The following NACC2 variants were observed in gnomAD, a reference collection of about 807,000 sequenced individuals.
NACC2 encodes the protein nucleus accumbens-associated protein 2.
Under a neutral mutation model 25.1 loss-of-function variants are expected in NACC2, and 8 were observed. The ratio of observed to expected loss-of-function variants is 0.32; its 90% CI spans 0.19 to 0.57. The LOEUF (loss-of-function observed/expected upper bound fraction) is 0.57, where lower values mean the gene tolerates loss of function less well. Ranked by LOEUF, NACC2 falls within the 20% of genes least tolerant of loss-of-function variation. The pLI, the probability that NACC2 is intolerant of heterozygous loss-of-function variation, is 0.89. For synonymous variants in NACC2, 435 were observed against 294.7 expected (o/e 1.48, Z -4.88); for missense variants, 644 against 650.2 (o/e 0.99, Z 0.10).
At chr9:136,053,111 CTGGCAGCAGGA>C (rs1840872526) in intron 1 of NACC2, among the ~76,000 whole-genome samples, 1 of 152,254 alleles carries the variant, frequency 6.6e-6, no homozygotes, top group South Asian at 2.1e-4. Flanking sequence ...CGGGGTAACC[CTGGCAGCAGGA>C]TGCGGAGGAG....
At chr9:136,030,163 C>T (rs955785416) in intron 2 of NACC2, among the ~76,000 whole-genome samples, 1 of 152,122 alleles carries the variant, frequency 6.6e-6, no homozygotes, top group African/African-American at 2.4e-5. Flanking sequence ...GCATGAGACA[C>T]CACACCCAGC....
rs1327548366 is a variant in NACC2, at chr9:136,049,874, G to A, written c.648C>T (p.Leu216=). ...CGTAGTAGGAGACACGGGGCAGTTT[G>A]AGAGGGGCTGTGCCCGCCGCCACCG... is the stretch of plus-strand genomic sequence containing the variant. The part of the protein sequence containing the change: ...GAAVAAGTAP[L]KLPRVSYYGV... Residue 216 remains leucine (L), a synonymous_variant, in exon 2 of 6, where the codon CTC becomes CTT. Coordinates refer to ENST00000277554, the MANE Select transcript of NACC2 (RefSeq NM_144653.5). The A allele has an allele frequency of 3.0e-5, 19 of 631,102 alleles. No homozygotes were observed. The highest frequency in any genetic ancestry group is 3.8e-5 in the Non-Finnish European group (13 of 343,080). 39.1% of individuals were successfully genotyped at this position (631,102 alleles called of 1,614,324 possible). A position where few individuals can be genotyped will look rare whatever the true frequency, so the allele number is the denominator to read the frequency against.
chr9:136,033,423 C>G (rs1032325011), intron 2 of NACC2, among the ~76,000 whole-genome samples: 1 of 152,034 alleles, frequency 6.6e-6, no homozygotes, highest in African/African-American at 2.4e-5. Context: ...GTGGGCGGAT[C>G]ATCTGAGGTC....
rs529970156 is a variant in NACC2, at chr9:136,018,926, G to A, written c.887-2497C>T. On this transcript the variant is annotated intron_variant, in intron 2 of 5. Coordinates refer to ENST00000277554, the MANE Select transcript of NACC2 (RefSeq NM_144653.5). This position sits in a 1 kb window ranked among gnomAD's most constrained non-coding sequence, Gnocchi z 4.4. Reference sequence around the variant, plus strand: ...CCCATCCACAACCACCTCGTCTCGAGATGTTTTTCTAAACAGCAGAAGTTG... The same window carrying A: ...CCCATCCACAACCACCTCGTCTCGAAATGTTTTTCTAAACAGCAGAAGTTG... Among the ~76,000 whole-genome samples the A allele has an allele frequency of 9.2e-5, 14 of 152,228 alleles. No homozygotes were observed. Among genetic ancestry groups the A allele is most frequent in the African/African-American group, 3.4e-4 (14 of 41,506 alleles).
At chr9:136,068,076 C>A (rs186448144) in intron 1 of NACC2, among the ~76,000 whole-genome samples, 20 of 152,104 alleles carry the variant, frequency 1.3e-4, no homozygotes, top group African/African-American at 4.8e-4. Flanking sequence ...ATGGAACTTG[C>A]GGGACTGGGC....
chr9:136,020,161 C>T lies in NACC2; in HGVS notation c.887-3732G>A, dbSNP rs1588558755. ...ACTGCAACGGCCCCTCTCACGTCCA[C>T]TTTACCACAATAACAACGCTCAGAA... On this transcript the variant is annotated intron_variant, in intron 2 of 5. Transcript: ENST00000277554. The surrounding 1 kb of genome is among the most constrained non-coding windows in gnomAD (Gnocchi z 4.7). 2.0e-5 allele frequency among the ~76,000 whole-genome samples: 3 copies of T among 152,210 alleles called. No homozygotes were observed. In the East Asian group the frequency reaches 5.8e-4, roughly 29 times the overall value.
At chr9:136,087,311 G>A (rs577110442) in intron 1 of NACC2, among the ~76,000 whole-genome samples, 18 of 152,328 alleles carry the variant, frequency 1.2e-4, no homozygotes, top group Admixed American at 1.0e-3. Context: ...GGGCTCTGTC[G>A]TGGTGGCCCC....
chr9:136,089,756 CTATTTTCT>C (rs1830416538), intron 1 of NACC2, among the ~76,000 whole-genome samples: 1 of 151,044 alleles, frequency 6.6e-6, no homozygotes, highest in Admixed American at 6.6e-5. Flanking sequence ...CACTCAACCT[CTATTTTCT>C]TAAAAGCTTT....
intron 2 of NACC2, among the ~76,000 whole-genome samples, chr9:136,044,759 C>T (rs2131157572): frequency 6.6e-6 from 1 of 152,336 alleles, no homozygotes; most frequent in East Asian, 1.9e-4. Context: ...CTCGGACATA[C>T]AGCCCTGCTC....
At chr9:136,012,664 T>C (rs1036959827) in intron 5 of NACC2, among the ~76,000 whole-genome samples, 1 of 151,770 alleles carries the variant, frequency 6.6e-6, no homozygotes, top group Non-Finnish European at 1.5e-5. Flanking sequence ...TTTTTTTTTT[T>C]TTTTTTTTTC....
Position 136,084,961 on chromosome 9 carries a change from G to C in NACC2, c.-60+10228C>G, listed in dbSNP as rs954550540. ...GGGAGTTTGTGTCTAATGGGGAAAG[G>C]GGTTCAGTTTGGGCAGATGAAACAG... On this transcript the variant is annotated intron_variant, in intron 1 of 5. Transcript: ENST00000277554. This position sits in a 1 kb window ranked among gnomAD's most constrained non-coding sequence, Gnocchi z 5.1. Among the ~76,000 whole-genome samples the C allele has an allele frequency of 6.6e-6, 1 of 152,128 alleles. No individual in the cohort carries two copies. Among genetic ancestry groups the C allele is most frequent in the Admixed American group, 6.5e-5 (1 of 15,274 alleles).
chr9:136,059,765 C>T (rs1840982215), intron 1 of NACC2, among the ~76,000 whole-genome samples: 1 of 152,218 alleles, frequency 6.6e-6, no homozygotes. Flanking sequence ...ACTGTTGGGC[C>T]TGTGTGTGTA....
chr9:136,012,784 G>C (rs1039789962), intron 5 of NACC2, among the ~76,000 whole-genome samples: 4 of 152,154 alleles, frequency 2.6e-5, no homozygotes, highest in Non-Finnish European at 5.9e-5. Context: ...TCCACATCTG[G>C]GGCGCGGGCC....
rs1224056774 is a variant in NACC2, at chr9:136,011,349, GC to G, written c.*166del. ...CCTAATTGTTTACAGTATAATGAAT[GC>G]ATTTGTTTCCTTCATCAATTTTAAA... On this transcript the variant is annotated 3_prime_UTR_variant, in exon 6 of 6. Transcript: ENST00000277554. 1 of 753,636 alleles carries G rather than the reference GC, an allele frequency of 1.3e-6. No homozygotes were observed. The highest frequency in any genetic ancestry group is 1.8e-5 in the African/African-American group (1 of 55,122). The allele number at this position is 753,636 out of a possible 1,614,324, so 46.7% of individuals were successfully genotyped here.
At chr9:136,012,842 G>T (rs1009603731) in intron 5 of NACC2, among the ~76,000 whole-genome samples, 1 of 152,196 alleles carries the variant, frequency 6.6e-6, no homozygotes, top group East Asian at 1.9e-4. Flanking sequence ...GCCCCCACAC[G>T]CCCAAGAGCG....
At chr9:136,041,945 T>A (rs1840638870) in intron 2 of NACC2, among the ~76,000 whole-genome samples, 1 of 152,192 alleles carries the variant, frequency 6.6e-6, no homozygotes, top group South Asian at 2.1e-4. Context: ...ATTTTAGTAA[T>A]CTTTTAGTTA....
chr9:136,077,070 C>T (rs1178595421), intron 1 of NACC2, among the ~76,000 whole-genome samples: 1 of 151,964 alleles, frequency 6.6e-6, no homozygotes, highest in African/African-American at 2.4e-5. Flanking sequence ...GTCCCAGCCA[C>T]TTGGGAGGCT....
chr9:136,075,699 G>A (rs910879160), intron 1 of NACC2, among the ~76,000 whole-genome samples: 2 of 152,198 alleles, frequency 1.3e-5, no homozygotes. Flanking sequence ...TCTTCCACAC[G>A]CGGGGAGGAC....
At position 136,007,588 on chromosome 9, in the gene NACC2, C is replaced by T. The variant is rs1473934849; in HGVS notation, c.*3928G>A. 1 of 152,306 alleles carries T rather than the reference C, an allele frequency of 6.6e-6. No individual in the cohort carries two copies. Among genetic ancestry groups the T allele is most frequent in the African/African-American group, 2.4e-5 (1 of 41,460 alleles). The allele number at this position is 152,306 out of a possible 1,614,324, so 9.4% of individuals were successfully genotyped here. Reference sequence around the variant, plus strand: ...ACACGCGCACACGCACACTCTCACCCACGGAGCTGGCTGGCTGACATGACA... The same window carrying T: ...ACACGCGCACACGCACACTCTCACCTACGGAGCTGGCTGGCTGACATGACA... On this transcript the variant is annotated 3_prime_UTR_variant, in exon 6 of 6. Transcript: ENST00000277554.
Sources: allele counts gnomAD v4.1 joint callset (sites outside exome capture counted in the v4.1 genomes callset), GRCh38; gene constraint gnomAD v4.1.1; non-coding constraint Gnocchi (gnomAD v3.1); transcripts MANE v1.5; gene names NCBI Gene and HGNC (gene_info 2026-07-23, HGNC 2026-07-21).